DFFB: variants seen among roughly 807,000 people sequenced by gnomAD.
The protein encoded by DFFB is DNA fragmentation factor 40 kDa subunit.
In DFFB, 29 loss-of-function variants were observed where a neutral mutation model predicts 32.7. The observed-to-expected ratio is 0.89, with a 90% CI of 0.66 to 1.21. DFFB has a LOEUF of 1.21. DFFB is among the 50% of genes most tolerant of loss of function. The pLI is 0.00. For missense variants in DFFB, 398 were observed against 440.6 expected, an observed-to-expected ratio of 0.90 and a Z score of 0.87; for synonymous variants, 170 against 177.1, an observed-to-expected ratio of 0.96 and a Z score of 0.32.
Position 3,865,759 on chromosome 1 carries a change from C to G in DFFB, c.242-53C>G, listed in dbSNP as rs1223232090. The G allele has an allele frequency of 1.2e-6, 2 of 1,613,742 alleles. No individual in the cohort carries two copies. Among genetic ancestry groups the G allele is most frequent in the African/African-American group, 2.7e-5 (2 of 74,886 alleles). On this transcript the variant is annotated intron_variant, in intron 2 of 6. Transcript: ENST00000378209. The surrounding 1 kb of genome is among the most constrained non-coding windows in gnomAD (Gnocchi z 4.7). ...TCAGAGGCTCTTCTTGTGACCGGGGCAGGATGTGTCTTCTGCTGGACCGGC... is the reference window on the plus strand; with the variant it reads ...TCAGAGGCTCTTCTTGTGACCGGGGGAGGATGTGTCTTCTGCTGGACCGGC...
chr1:3,870,969 C>T (rs965228616), intron 5 of DFFB, among the ~76,000 whole-genome samples: 24 of 152,354 alleles, frequency 1.6e-4, no homozygotes, highest in Middle Eastern at 3.4e-3. Flanking sequence ...CTGCGGACCA[C>T]AGGGAAGACG....
intron 6 of DFFB, among the ~76,000 whole-genome samples, chr1:3,880,056 C>T (rs191840854): frequency 6.6e-6 from 1 of 152,320 alleles, no homozygotes; most frequent in Admixed American, 6.5e-5. Flanking sequence ...ACCTGGGGGC[C>T]TTGGGTCACT....
chr1:3,869,013 A>C (rs1645055974), intron 4 of DFFB, among the ~76,000 whole-genome samples: 1 of 152,098 alleles, frequency 6.6e-6, no homozygotes, highest in African/African-American at 2.4e-5. Flanking sequence ...TCCACGCACC[A>C]CTGCCTGCCT....
chr1:3,865,973 C>T lies in DFFB; in HGVS notation c.403C>T (p.Arg135Trp), dbSNP rs530698986. 4.9e-5 allele frequency: 78 copies of T among 1,576,686 alleles called. No homozygotes were observed. In the East Asian group the frequency reaches 8.3e-4, roughly 17 times the overall value. ...NVSQNIAAET[R>W]AEDPPWFEGL... ...CAGCCAGAACATCGCGGCCGAGACC[C>T]GGGCTGAGGACCCGCCGTGGTTTGA... The change falls in exon 3 of 7, where the codon CGG (arginine) becomes TGG (tryptophan). Residue 135 changes from arginine to tryptophan, a missense_variant. Transcript: ENST00000378209. This position sits in a 1 kb window ranked among gnomAD's most constrained non-coding sequence, Gnocchi z 4.7.
chr1:3,882,882 G>T (rs892840203), intron 6 of DFFB, among the ~76,000 whole-genome samples: 1 of 152,118 alleles, frequency 6.6e-6, no homozygotes, highest in African/African-American at 2.4e-5. Flanking sequence ...AAATGTATAC[G>T]TAGATGAAAC....
chr1:3,866,686 C>G (rs1384920341), intron 3 of DFFB, among the ~76,000 whole-genome samples: 1 of 152,146 alleles, frequency 6.6e-6, no homozygotes, highest in Non-Finnish European at 1.5e-5. Context: ...CTCCTTCCAC[C>G]TTGCAAAGCT....
At position 3,883,917 on chromosome 1, in the gene DFFB, T is replaced by C. The variant is rs1232953059; in HGVS notation, c.*176T>C. The C allele has an allele frequency of 1.7e-6, 1 of 599,966 alleles. No individual in the cohort carries two copies. Among genetic ancestry groups the C allele is most frequent in the Non-Finnish European group, 2.9e-6 (1 of 342,810 alleles). The allele number at this position is 599,966 out of a possible 1,614,324, so 37.2% of individuals were successfully genotyped here. A position where few individuals can be genotyped will look rare whatever the true frequency, so the allele number is the denominator to read the frequency against. On this transcript the variant is annotated 3_prime_UTR_variant, in exon 7 of 7. Coordinates refer to ENST00000378209, the MANE Select transcript of DFFB (RefSeq NM_004402.4). ...TCATTACATTTCTGAATTGTTGGGG[T>C]TTTTTTTGTTGTTTTGTTTTGTTTT...
rs986617875 is a variant in DFFB at position 3,865,086 on chromosome 1, C to T, written c.242-726C>T. 4.8e-5 allele frequency among the ~76,000 whole-genome samples: 7 copies of T among 144,682 alleles called. No homozygotes were observed. Among genetic ancestry groups the T allele is most frequent in the East Asian group, 4.0e-4 (2 of 4,958 alleles). The allele number at this position is 144,682 out of a possible 152,430, so 94.9% of individuals were successfully genotyped here. The stretch of plus-strand genomic sequence containing the variant: ...TCTCTTAAGAGCATTTTTTTTTTTG[C>T]GGAGTAAGAGTTTTTAGTTTTGAGG... On this transcript the variant is annotated intron_variant, in intron 2 of 6. Transcript: ENST00000378209. The surrounding 1 kb of genome is among the most constrained non-coding windows in gnomAD (Gnocchi z 4.7).
In DFFB at chr1:3,883,608, C is replaced by G. The variant is rs761032888; in HGVS notation, c.884C>G (p.Thr295Ser). Reference sequence around the variant, plus strand: ...GAGTATTTTTATGGCCTGCTTTTTACCTCAGAGAACCTAAAACTAGTGCAC... The same window carrying G: ...GAGTATTTTTATGGCCTGCTTTTTAGCTCAGAGAACCTAAAACTAGTGCAC... ...DWEYFYGLLF[T>S]SENLKLVHIV... The change falls in exon 7 of 7, where the codon ACC becomes AGC. Residue 295 changes from threonine to serine, a missense_variant. Transcript: ENST00000378209. 3 of 1,614,108 alleles carry G rather than the reference C, an allele frequency of 1.9e-6. No homozygotes were observed. In the South Asian group the frequency reaches 3.3e-5, roughly 18 times the overall value.
At chr1:3,881,271 C>T (rs771560218) in intron 6 of DFFB, among the ~76,000 whole-genome samples, 2 of 152,196 alleles carry the variant, frequency 1.3e-5, no homozygotes, top group South Asian at 2.1e-4. Flanking sequence ...CAGCAGAAGG[C>T]CCCCCAGGCC....
At position 3,858,847 on chromosome 1, in the gene DFFB, G is replaced by A. The variant is rs775465576; in HGVS notation, c.241+3G>A. 4 of 1,613,384 alleles carry A rather than the reference G, an allele frequency of 2.5e-6. No homozygotes were observed. Among genetic ancestry groups the A allele is most frequent in the Non-Finnish European group, 2.5e-6 (3 of 1,180,032 alleles). On this transcript the variant is annotated splice_donor_region_variant and intron_variant, in intron 2 of 6. Coordinates refer to ENST00000378209, the MANE Select transcript of DFFB (RefSeq NM_004402.4). Reference sequence around the variant, plus strand: ...CTTGGGCCAGGCCTGGCAGGGCTGTGAGTGGCAAGGACTTTGGAGGTGGGC... The same window carrying A: ...CTTGGGCCAGGCCTGGCAGGGCTGTAAGTGGCAAGGACTTTGGAGGTGGGC...
intron 4 of DFFB, among the ~76,000 whole-genome samples, chr1:3,868,362 C>T (rs1377560469): frequency 6.6e-6 from 1 of 152,064 alleles, no homozygotes; most frequent in Non-Finnish European, 1.5e-5. Context: ...TCCTGGGCAG[C>T]AGTGGCAAGC....
At chr1:3,877,545 GTC>G (rs1269931625) in intron 6 of DFFB, among the ~76,000 whole-genome samples, 2 of 151,758 alleles carry the variant, frequency 1.3e-5, no homozygotes, top group African/African-American at 4.8e-5. Flanking sequence ...GGCCGAGCTG[GTC>G]TCGAACTTCT....
At chr1:3,868,153 C>A in intron 4 of DFFB, 100 bp downstream of exon 4, 2 of 1,066,934 alleles carry the variant, frequency 1.9e-6, no homozygotes, top group Non-Finnish European at 2.9e-6. Context: ...GTTGGTAGGA[C>A]CACACTCCGT....
chr1:3,878,071 T>C (rs1645260047), intron 6 of DFFB, among the ~76,000 whole-genome samples: 1 of 152,166 alleles, frequency 6.6e-6, no homozygotes, highest in African/African-American at 2.4e-5. Context: ...AATGTGACTC[T>C]GTGGGGTCCC....
chr1:3,874,981 G>A (rs990137442), intron 6 of DFFB, among the ~76,000 whole-genome samples: 7 of 151,994 alleles, frequency 4.6e-5, no homozygotes, highest in Non-Finnish European at 5.9e-5. Context: ...CTGCAGAGCC[G>A]TGTAGCTGCA....
intron 3 of DFFB, chr1:3,866,514 A>C (rs1419136378): frequency 5.5e-6 from 1 of 181,174 alleles, no homozygotes; most frequent in Non-Finnish European, 1.2e-5. Context: ...CTAGGATTAC[A>C]GGCGGGAGCC....
At chr1:3,874,278 C>T (rs1645178766) in intron 6 of DFFB, among the ~76,000 whole-genome samples, 2 of 141,692 alleles carry the variant, frequency 1.4e-5, no homozygotes, top group South Asian at 2.3e-4. Context: ...TCTGCAGAGC[C>T]GTGTAGCTGC....
chr1:3,860,512 A>G, intron 2 of DFFB: 1 of 424,510 alleles, frequency 2.4e-6, no homozygotes, highest in Non-Finnish European at 4.8e-6. Context: ...TACAGGTATG[A>G]GCCACTGTGC....
Sources: allele counts gnomAD v4.1 joint callset (sites outside exome capture counted in the v4.1 genomes callset), GRCh38; gene constraint gnomAD v4.1.1; non-coding constraint Gnocchi (gnomAD v3.1); transcripts MANE v1.5; gene names NCBI Gene and HGNC (gene_info 2026-07-23, HGNC 2026-07-21).